The following VCL variants were observed in gnomAD, a reference collection of about 807,000 sequenced individuals.
The protein encoded by VCL is vinculin.
VCL carries 47 observed loss-of-function variants against 125.7 expected under a neutral mutation model. The ratio of observed to expected loss-of-function variants is 0.37; its 90% CI spans 0.30 to 0.48. The LOEUF (loss-of-function observed/expected upper bound fraction) is 0.48, where lower values mean the gene tolerates loss of function less well. Among genes scored for constraint, VCL ranks in the 20% least tolerant of loss-of-function variants. VCL has a pLI of 0.99. For missense variants in VCL, 1,069 were observed against 1,455.5 expected, an observed-to-expected ratio of 0.73 and a Z score of 4.32; for synonymous variants, 458 against 514.6, an observed-to-expected ratio of 0.89 and a Z score of 1.49.
chr10:74,093,284 G>A (rs1248155766), intron 10 of VCL, among the ~76,000 whole-genome samples: 4 of 152,088 alleles, frequency 2.6e-5, no homozygotes, highest in South Asian at 2.1e-4. Flanking sequence ...GCAACACAGC[G>A]AGACTCCATC....
At chr10:74,116,055 T>G (rs1840306607) in intron 21 of VCL, among the ~76,000 whole-genome samples, 1 of 152,202 alleles carries the variant, frequency 6.6e-6, no homozygotes, top group African/African-American at 2.4e-5. Flanking sequence ...ACACATGGGC[T>G]AAGGTGAAGC....
chr10:74,010,739 A>G (rs1006382534), intron 1 of VCL, among the ~76,000 whole-genome samples: 3 of 152,188 alleles, frequency 2.0e-5, no homozygotes, highest in Admixed American at 2.0e-4. Context: ...CCACTGTCTT[A>G]AAATACCCCA....
intron 1 of VCL, among the ~76,000 whole-genome samples, chr10:74,018,229 T>A (rs932311458): frequency 3.5e-5 from 5 of 143,074 alleles, no homozygotes; most frequent in South Asian, 2.2e-4. Context: ...TGTATTATTT[T>A]ATTTTATTTT....
chr10:74,081,930 GT>G (rs760348645), intron 6 of VCL, among the ~76,000 whole-genome samples: 39 of 152,278 alleles, frequency 2.6e-4, no homozygotes, highest in Non-Finnish European at 5.0e-4. Flanking sequence ...ATTTTCAATT[GT>G]TTCTTCCAAC....
At chr10:74,017,664 C>T (rs1394077209) in intron 1 of VCL, among the ~76,000 whole-genome samples, 2 of 151,180 alleles carry the variant, frequency 1.3e-5, no homozygotes, top group African/African-American at 2.4e-5. Context: ...GCCATCCTCC[C>T]ACCTCAGCCT....
intron 14 of VCL, among the ~76,000 whole-genome samples, chr10:74,101,347 G>A (rs1840051922): frequency 6.6e-6 from 1 of 151,774 alleles, no homozygotes; most frequent in Non-Finnish European, 1.5e-5. Flanking sequence ...TTAGCTGGGT[G>A]TGGTGGCGCA....
At chr10:74,121,050 GAT>G (rs1491122719), downstream of VCL, 2 of 152,120 alleles carry the variant, frequency 1.3e-5, no homozygotes, top group African/African-American at 4.8e-5. Context: ...TGATGATATT[GAT>G]ATTTAGTGTT....
intron 2 of VCL, among the ~76,000 whole-genome samples, chr10:74,046,824 T>C (rs940501339): frequency 3.3e-5 from 5 of 152,350 alleles, no homozygotes; most frequent in Admixed American, 6.5e-5. Context: ...TATTTTTGCT[T>C]ATCCCCAGAG....
chr10:74,086,309 C>T (rs1839770267), intron 8 of VCL, among the ~76,000 whole-genome samples: 3 of 152,160 alleles, frequency 2.0e-5, no homozygotes, highest in Non-Finnish European at 4.4e-5. Context: ...CTAGAGGTTC[C>T]TGGATTCCCT....
At position 74,071,190 on chromosome 10, in the gene VCL, T is replaced by C. The variant is rs536582106; in HGVS notation, c.499+107T>C. ...TTTGCAGAAGATAGGTGAAGATGCA[T>C]TGGGCTTTCAGGTGTCTGCTCTGTT... is the stretch of plus-strand genomic sequence containing the variant. On this transcript the variant is annotated intron_variant, in intron 4 of 21. Transcript: ENST00000211998. The surrounding 1 kb of genome is among the most constrained non-coding windows in gnomAD (Gnocchi z 4.1). 32 of 1,020,236 alleles carry C rather than the reference T, an allele frequency of 3.1e-5. No homozygotes were observed. The Admixed American group carries it at 3.8e-4, about 12-fold the overall frequency. 63.2% of individuals were successfully genotyped at this position (1,020,236 alleles called of 1,614,324 possible). A position where few individuals can be genotyped will look rare whatever the true frequency, so the allele number is the denominator to read the frequency against.
chr10:74,070,644 G>T, intron 2 of VCL, 26 bp from the exon 3 acceptor site: 1 of 1,613,788 alleles, frequency 6.2e-7, no homozygotes, highest in Admixed American at 1.7e-5. Context: ...TTCTGCCGGT[G>T]TGTTAACCTG....
intron 1 of VCL, among the ~76,000 whole-genome samples, chr10:74,036,759 A>G (rs1006632280): frequency 6.6e-6 from 1 of 151,902 alleles, no homozygotes; most frequent in African/African-American, 2.4e-5. Flanking sequence ...CCTGTTTGCA[A>G]AGTTGTAGTC....
chr10:74,091,791 C>CAAAAA (rs545539526), intron 10 of VCL, among the ~76,000 whole-genome samples: 795 of 59,856 alleles, frequency 0.013, 1 homozygote, highest in East Asian at 0.026. Flanking sequence ...TCTGTCTCAG[C>CAAAAA]AAAAAAAAAA....
At chr10:74,041,523 C>A (rs1036345617) in intron 1 of VCL, among the ~76,000 whole-genome samples, 1 of 152,068 alleles carries the variant, frequency 6.6e-6, no homozygotes, top group Admixed American at 6.6e-5. Flanking sequence ...AAATTTCTGA[C>A]CATTACTATT....
At chr10:74,061,286 G>T (rs1425168540) in intron 2 of VCL, among the ~76,000 whole-genome samples, 1 of 152,076 alleles carries the variant, frequency 6.6e-6, no homozygotes, top group Non-Finnish European at 1.5e-5. Context: ...TTTTATGAAT[G>T]CCATTAAATT....
intron 2 of VCL, among the ~76,000 whole-genome samples, chr10:74,050,932 A>ATTTTTTTTTTTTTT: frequency 1.3e-5 from 1 of 77,440 alleles, no homozygotes; most frequent in Non-Finnish European, 2.3e-5. Flanking sequence ...GTACTACTGT[A>ATTTTTTTTTTTTTT]TTTTTTTTTT....
intron 18 of VCL, among the ~76,000 whole-genome samples, chr10:74,111,187 C>T (rs1840213325): frequency 6.6e-6 from 1 of 152,102 alleles, no homozygotes; most frequent in South Asian, 2.1e-4. Context: ...GTGGGTGTTC[C>T]CTGAGATGGG....
chr10:74,004,974 C>T lies in VCL; in HGVS notation c.168+6599C>T, dbSNP rs558515440. 3.3e-5 allele frequency among the ~76,000 whole-genome samples: 5 copies of T among 151,922 alleles called. No individual in the cohort carries two copies. In the South Asian group the frequency reaches 6.3e-4, roughly 19 times the overall value. On this transcript the variant is annotated intron_variant, in intron 1 of 21. Transcript: ENST00000211998. ...CCCTCCTCGGCCTCCCAAAGTGCTG[C>T]GGTCACAGACATGAGCCACCACGCC...
At chr10:74,093,532 C>T (rs1255912869) in intron 10 of VCL, among the ~76,000 whole-genome samples, 1 of 152,062 alleles carries the variant, frequency 6.6e-6, no homozygotes, top group Non-Finnish European at 1.5e-5. Flanking sequence ...GCCTATAATC[C>T]CAGCACAGGA....
Sources: gnomAD v4.1 joint callset for allele counts (sites outside exome capture counted in the v4.1 genomes callset) on GRCh38, gnomAD v4.1.1 for gene constraint, Gnocchi (gnomAD v3.1) non-coding constraint, MANE v1.5 for transcripts, NCBI Gene and HGNC (gene_info 2026-07-23, HGNC 2026-07-21) for gene names.